The following USP13 variants were observed in gnomAD, a reference collection of about 807,000 sequenced individuals.
USP13 encodes ubiquitin carboxyl-terminal hydrolase 13.
USP13 carries 68 observed loss-of-function variants against 107.8 expected under a neutral mutation model. The ratio of observed to expected loss-of-function variants is 0.63; its 90% CI spans 0.52 to 0.77. The LOEUF (loss-of-function observed/expected upper bound fraction) is 0.77. Ranked by LOEUF, USP13 falls within the 30% of genes least tolerant of loss-of-function variation. The pLI is 0.00. For missense variants in USP13, 945 were observed against 1,093.3 expected, an observed-to-expected ratio of 0.86 and a Z score of 1.91; for synonymous variants, 377 against 389.5, an observed-to-expected ratio of 0.97 and a Z score of 0.38.
At chr3:179,677,349 G>A (rs1349582837) in intron 1 of USP13, among the ~76,000 whole-genome samples, 3 of 151,834 alleles carry the variant, frequency 2.0e-5, no homozygotes, top group Non-Finnish European at 2.9e-5. Context: ...TTGGGAGGCC[G>A]AGGTGGGTGG....
intron 18 of USP13, among the ~76,000 whole-genome samples, chr3:179,765,345 C>T (rs759638452): frequency 1.4e-4 from 22 of 152,220 alleles, no homozygotes; most frequent in South Asian, 8.3e-4. Context: ...TTAGAAAGAG[C>T]TGCACTTAAA....
intron 16 of USP13, 103 bp downstream of exon 16, chr3:179,757,181 G>A: frequency 7.5e-7 from 1 of 1,337,568 alleles, no homozygotes. Context: ...GTACGTGTGT[G>A]TGTGCAGCTT....
At chr3:179,728,650 T>C (rs895192547) in intron 8 of USP13, among the ~76,000 whole-genome samples, 3 of 152,054 alleles carry the variant, frequency 2.0e-5, no homozygotes, top group African/African-American at 2.4e-5. Context: ...GTGGATGTTG[T>C]AGCGAGCCGA....
At chr3:179,655,569 T>TG (rs1720232407) in intron 1 of USP13, among the ~76,000 whole-genome samples, 1 of 148,074 alleles carries the variant, frequency 6.8e-6, no homozygotes, top group African/African-American at 2.6e-5. Flanking sequence ...TTTGTTTTGT[T>TG]TTTTTTTTGA....
chr3:179,773,764 T>C (rs1030593717), intron 19 of USP13, among the ~76,000 whole-genome samples: 3 of 152,252 alleles, frequency 2.0e-5, no homozygotes, highest in African/African-American at 4.8e-5. Context: ...AATTAGTCAG[T>C]GTCTGTCAGG....
intron 1 of USP13, among the ~76,000 whole-genome samples, chr3:179,667,334 T>C (rs1720616487): frequency 6.6e-6 from 1 of 152,220 alleles, no homozygotes; most frequent in African/African-American, 2.4e-5. Context: ...TTTTATGGGT[T>C]AGCCTGGAAA....
chr3:179,729,802 T>TTG (rs887393188), intron 8 of USP13, among the ~76,000 whole-genome samples: 38 of 152,332 alleles, frequency 2.5e-4, no homozygotes, highest in Admixed American at 2.0e-3. Context: ...GTGGTGATTA[T>TTG]TGTGATGGCT....
Position 179,653,103 on chromosome 3 carries a change from C to A in USP13, c.-123C>A. On this transcript the variant is annotated 5_prime_UTR_variant, in exon 1 of 21. Transcript: ENST00000263966. The surrounding 1 kb of genome is among the most constrained non-coding windows in gnomAD (Gnocchi z 4.0). ...AGCCCGCTCTCCCCGCCCGCCCCGG[C>A]TCGGCCGGCTGCCGTTGCCCGCGCA... 2 of 879,736 alleles carry A rather than the reference C, an allele frequency of 2.3e-6. No homozygotes were observed. Among genetic ancestry groups the A allele is most frequent in the Non-Finnish European group, 2.7e-6 (2 of 734,532 alleles). 54.5% of individuals were successfully genotyped at this position (879,736 alleles called of 1,614,324 possible).
At chr3:179,728,210 C>A (rs1241571662) in intron 8 of USP13, among the ~76,000 whole-genome samples, 2 of 147,416 alleles carry the variant, frequency 1.4e-5, no homozygotes, top group Non-Finnish European at 3.0e-5. Context: ...CTGACCCCCC[C>A]ACCTCCCTGC....
In USP13 at chr3:179,653,608, TC is replaced by T; in HGVS notation, c.168+219del. 3 of 628,864 alleles carry T rather than the reference TC, an allele frequency of 4.8e-6. No homozygotes were observed. Among genetic ancestry groups the T allele is most frequent in the Non-Finnish European group, 7.8e-6 (3 of 385,278 alleles). 39.0% of individuals were successfully genotyped at this position (628,864 alleles called of 1,614,324 possible). A position where few individuals can be genotyped will look rare whatever the true frequency, so the allele number is the denominator to read the frequency against. On this transcript the variant is annotated intron_variant, in intron 1 of 20. Transcript: ENST00000263966. This position sits in a 1 kb window ranked among gnomAD's most constrained non-coding sequence, Gnocchi z 4.0. ...TGCTGGTGGTTTTGCTCCGCCAGCC[TC>T]CCCAGGCTGGAAGGGCCCGATTCCC...
chr3:179,740,102 T>C lies in USP13; in HGVS notation c.1255-145T>C, dbSNP rs1018199067. On this transcript the variant is annotated intron_variant, in intron 10 of 20. Transcript: ENST00000263966. ...GCACATAGTAAACACCCAGCGAGTA[T>C]TGGCCACTATCATTATTTACCTTCT... 1.9e-5 allele frequency: 22 copies of C among 1,138,784 alleles called. No individual in the cohort carries two copies. The African/African-American group carries it at 2.9e-4, about 15-fold the overall frequency. The allele number at this position is 1,138,784 out of a possible 1,614,324, so 70.5% of individuals were successfully genotyped here.
chr3:179,764,216 AATTT>A, intron 18 of USP13, 48 bp downstream of exon 18: 1 of 1,435,918 alleles, frequency 7.0e-7, no homozygotes. Flanking sequence ...TGTGTGTGTG[AATTT>A]ATTTCTGTAG....
At chr3:179,713,178 AT>A (rs1163072762) in intron 6 of USP13, among the ~76,000 whole-genome samples, 2 of 152,244 alleles carry the variant, frequency 1.3e-5, no homozygotes. Context: ...AGTATAAAAC[AT>A]TTGGCAACAG....
At chr3:179,738,088 T>C (rs1714056995) in intron 10 of USP13, among the ~76,000 whole-genome samples, 1 of 152,210 alleles carries the variant, frequency 6.6e-6, no homozygotes, top group Non-Finnish European at 1.5e-5. Context: ...GTCCCCAGAC[T>C]ATAGGCATGG....
In USP13 at chr3:179,678,310, A is replaced by T. The variant is rs1711537146; in HGVS notation, c.169-3568A>T. 6.6e-6 allele frequency among the ~76,000 whole-genome samples: 1 copy of T among 152,226 alleles called. No individual in the cohort carries two copies. The highest frequency in any genetic ancestry group is 1.5e-5 in the Non-Finnish European group (1 of 68,040). On this transcript the variant is annotated intron_variant, in intron 1 of 20. Transcript: ENST00000263966. This position sits in a 1 kb window ranked among gnomAD's most constrained non-coding sequence, Gnocchi z 4.2. Reference sequence around the variant, plus strand: ...GTCTATCTATCCAAAGAACATGTTTATTTAGAAAACTCTTGAAAATACTTA... The same window carrying T: ...GTCTATCTATCCAAAGAACATGTTTTTTTAGAAAACTCTTGAAAATACTTA...
intron 19 of USP13, among the ~76,000 whole-genome samples, chr3:179,780,497 A>G (rs1469966308): frequency 6.6e-6 from 1 of 152,190 alleles, no homozygotes; most frequent in Non-Finnish European, 1.5e-5. Flanking sequence ...GACTAACATG[A>G]TATCAGCCAG....
At chr3:179,771,069 C>T (rs1715328734) in intron 19 of USP13, among the ~76,000 whole-genome samples, 1 of 152,184 alleles carries the variant, frequency 6.6e-6, no homozygotes, top group East Asian at 1.9e-4. Context: ...GCTGGCAAGT[C>T]CTGGGGGCAC....
chr3:179,724,941 T>C (rs901951904), intron 8 of USP13, among the ~76,000 whole-genome samples: 1 of 152,166 alleles, frequency 6.6e-6, no homozygotes, highest in African/African-American at 2.4e-5. Context: ...TATTTTTGGC[T>C]GGGCATGGTG....
chr3:179,707,107 C>G, intron 5 of USP13, 31 bp downstream of exon 5: 1 of 1,579,038 alleles, frequency 6.3e-7, no homozygotes, highest in East Asian at 2.3e-5. Flanking sequence ...TGGAACTTTA[C>G]TCCCTAAAAC....
Sources: gnomAD v4.1 joint callset for allele counts (sites outside exome capture counted in the v4.1 genomes callset) on GRCh38, gnomAD v4.1.1 for gene constraint, Gnocchi (gnomAD v3.1) non-coding constraint, MANE v1.5 for transcripts, NCBI Gene and HGNC (gene_info 2026-07-23, HGNC 2026-07-21) for gene names.